Variants in ATP8A2 observed in about 807,000 individuals in gnomAD.
The protein encoded by ATP8A2 is ATPase phospholipid transporting 8A2.
In ATP8A2, 100 loss-of-function variants were observed where a neutral mutation model predicts 165.6. That is an observed-to-expected ratio of 0.60 (90% CI 0.51 to 0.71). ATP8A2 has a LOEUF of 0.71. Ranked by LOEUF, ATP8A2 falls within the 30% of genes least tolerant of loss-of-function variation. The pLI, the probability that ATP8A2 is intolerant of heterozygous loss-of-function variation, is 0.00. For missense variants in ATP8A2, 1,227 were observed against 1,479.5 expected, an observed-to-expected ratio of 0.83 and a Z score of 2.80; for synonymous variants, 543 against 548.8, an observed-to-expected ratio of 0.99 and a Z score of 0.15.
chr13:25,802,019 C>A (rs567016428), intron 27 of ATP8A2, among the ~76,000 whole-genome samples: 1 of 152,216 alleles, frequency 6.6e-6, no homozygotes, highest in South Asian at 2.1e-4. Flanking sequence ...CCACCGGGTC[C>A]CTCCCATGAC....
intron 25 of ATP8A2, among the ~76,000 whole-genome samples, chr13:25,761,030 G>T (rs1040033749): frequency 4.6e-5 from 7 of 152,122 alleles, no homozygotes; most frequent in African/African-American, 1.7e-4. Flanking sequence ...CAAGATGCTT[G>T]CACAGCTGCC....
At chr13:25,457,946 G>A (rs916466044) in intron 1 of ATP8A2, among the ~76,000 whole-genome samples, 14 of 152,214 alleles carry the variant, frequency 9.2e-5, no homozygotes, top group Admixed American at 6.5e-4. Flanking sequence ...CTGACTGCAT[G>A]TATTTAGTGG....
intron 1 of ATP8A2, among the ~76,000 whole-genome samples, chr13:25,433,832 A>C (rs2034679777): frequency 6.6e-6 from 1 of 152,208 alleles, no homozygotes; most frequent in Non-Finnish European, 1.5e-5. Flanking sequence ...TTGCAGCAAC[A>C]TGGATGGAGC....
chr13:25,843,592 C>G (rs1206625543), intron 30 of ATP8A2, among the ~76,000 whole-genome samples: 1 of 152,140 alleles, frequency 6.6e-6, no homozygotes, highest in Non-Finnish European at 1.5e-5. Flanking sequence ...TGGGCCCTCA[C>G]CTGACACCAC....
chr13:25,670,612 T>G (rs1593170968), intron 24 of ATP8A2, among the ~76,000 whole-genome samples: 1 of 152,380 alleles, frequency 6.6e-6, no homozygotes, highest in South Asian at 2.1e-4. Flanking sequence ...ATAGCTAACA[T>G]AAATGTGATT....
intron 24 of ATP8A2, among the ~76,000 whole-genome samples, chr13:25,679,785 C>T (rs370557974): frequency 2.0e-5 from 3 of 152,288 alleles, no homozygotes; most frequent in African/African-American, 7.2e-5. Flanking sequence ...AGGTTAGTGA[C>T]ATGAAGAGAC....
At chr13:25,649,802 G>T (rs1351360501) in intron 24 of ATP8A2, among the ~76,000 whole-genome samples, 1 of 152,152 alleles carries the variant, frequency 6.6e-6, no homozygotes. Context: ...ATTCAAGCCA[G>T]GTAGCACTTT....
chr13:25,759,135 G>T (rs1048736645), intron 25 of ATP8A2, among the ~76,000 whole-genome samples: 2 of 152,150 alleles, frequency 1.3e-5, no homozygotes, highest in African/African-American at 4.8e-5. Flanking sequence ...TGGCTCTGGG[G>T]TCTCTTAATT....
intron 24 of ATP8A2, among the ~76,000 whole-genome samples, chr13:25,602,723 T>C (rs2040419057): frequency 6.6e-6 from 1 of 152,096 alleles, no homozygotes; most frequent in South Asian, 2.1e-4. Flanking sequence ...AGATTCTGAG[T>C]GAAATGGGTG....
At chr13:25,812,536 G>A (rs932147006) in intron 27 of ATP8A2, among the ~76,000 whole-genome samples, 14 of 822 alleles carry the variant, frequency 0.017, no homozygotes, top group African/African-American at 0.027. Flanking sequence ...CTGTAATGAA[G>A]CTTTACATTC....
intron 18 of ATP8A2, among the ~76,000 whole-genome samples, chr13:25,572,062 A>G (rs918395709): frequency 3.9e-5 from 6 of 152,178 alleles, no homozygotes; most frequent in African/African-American, 1.2e-4. Flanking sequence ...TTCTTACTCA[A>G]TGAAGCCTCA....
intron 24 of ATP8A2, among the ~76,000 whole-genome samples, chr13:25,691,268 G>A (rs2042718708): frequency 6.6e-6 from 1 of 152,170 alleles, no homozygotes; most frequent in Non-Finnish European, 1.5e-5. Flanking sequence ...GATTGTGGCC[G>A]GGGTTACCTG....
At chr13:25,894,310 T>G (rs1162370048) in intron 33 of ATP8A2, among the ~76,000 whole-genome samples, 3 of 152,234 alleles carry the variant, frequency 2.0e-5, no homozygotes, top group Non-Finnish European at 2.9e-5. Flanking sequence ...CCATTTCTTC[T>G]TTTTGTCAGG....
chr13:25,680,253 A>G (rs557133679), intron 24 of ATP8A2, among the ~76,000 whole-genome samples: 1 of 152,276 alleles, frequency 6.6e-6, no homozygotes, highest in South Asian at 2.1e-4. Flanking sequence ...CTTTCATGCA[A>G]TGATTGATGT....
intron 30 of ATP8A2, among the ~76,000 whole-genome samples, chr13:25,844,142 G>T (rs115424985): frequency 6.6e-6 from 1 of 152,102 alleles, no homozygotes; most frequent in East Asian, 1.9e-4. Context: ...GATAAAGACT[G>T]TAAGCACCAG....
chr13:25,505,998 C>G (rs773426776), intron 2 of ATP8A2, among the ~76,000 whole-genome samples: 6 of 152,178 alleles, frequency 3.9e-5, no homozygotes, highest in Non-Finnish European at 7.3e-5. Context: ...CTTCTCCAAG[C>G]TGACGCTGGG....
chr13:25,590,271 A>T (rs996302142), intron 24 of ATP8A2, among the ~76,000 whole-genome samples: 2 of 152,070 alleles, frequency 1.3e-5, no homozygotes, highest in African/African-American at 4.8e-5. Flanking sequence ...CAAAAAATGG[A>T]AAAATTGGCC....
chr13:25,912,079 A>G (rs1389909956), intron 33 of ATP8A2, among the ~76,000 whole-genome samples: 2 of 152,000 alleles, frequency 1.3e-5, no homozygotes, highest in African/African-American at 4.8e-5. Context: ...AATTAATTGC[A>G]ACACTATTCA....
chr13:25,614,060 TC>T (rs1483812206), intron 24 of ATP8A2, among the ~76,000 whole-genome samples: 2 of 152,196 alleles, frequency 1.3e-5, no homozygotes, highest in Non-Finnish European at 2.9e-5. Context: ...TCTTTGAGCT[TC>T]CTGTAGTCTA....
Sources: allele counts gnomAD v4.1 joint callset (sites outside exome capture counted in the v4.1 genomes callset), GRCh38; gene constraint gnomAD v4.1.1; transcripts MANE v1.5; gene names NCBI Gene and HGNC (gene_info 2026-07-23, HGNC 2026-07-21).